The following TAFA1 variants were observed in gnomAD, a reference collection of about 807,000 sequenced individuals.
TAFA1 encodes the protein chemokine-like protein TAFA-1.
A neutral mutation model predicts 18.5 loss-of-function variants in TAFA1; 4 were observed. That is an observed-to-expected ratio of 0.22 (90% confidence interval 0.11 to 0.49). The LOEUF is 0.49. Ranked by LOEUF, TAFA1 falls within the 20% of genes least tolerant of loss-of-function variation. The pLI, the probability that TAFA1 is intolerant of heterozygous loss-of-function variation, is 0.98. For synonymous variants in TAFA1, 56 were observed against 55.2 expected, an observed-to-expected ratio of 1.01 and a Z score of -0.06; for missense variants, 147 against 169.0, an observed-to-expected ratio of 0.87 and a Z score of 0.72.
At chr3:68,432,154 T>C (rs1473624288) in intron 3 of TAFA1, among the ~76,000 whole-genome samples, 1 of 151,896 alleles carries the variant, frequency 6.6e-6, no homozygotes, top group Non-Finnish European at 1.5e-5. Flanking sequence ...CTTTCTCCCT[T>C]TTCTCCTGTC....
chr3:68,285,057 C>T (rs762095141), intron 2 of TAFA1, among the ~76,000 whole-genome samples: 1 of 152,154 alleles, frequency 6.6e-6, no homozygotes, highest in Non-Finnish European at 1.5e-5. Context: ...CGCTGCACTC[C>T]AGCCTGGGTG....
chr3:68,358,958 T>C (rs908225190), intron 2 of TAFA1, among the ~76,000 whole-genome samples: 1 of 152,004 alleles, frequency 6.6e-6, no homozygotes, highest in African/African-American at 2.4e-5. Context: ...TAATCAGGTA[T>C]CATCTTCTGT....
At chr3:68,057,076 C>A (rs1259833435) in intron 2 of TAFA1, among the ~76,000 whole-genome samples, 1 of 152,150 alleles carries the variant, frequency 6.6e-6, no homozygotes, top group Non-Finnish European at 1.5e-5. Context: ...GTTTTAGGTT[C>A]CTCTGCCCTT....
intron 2 of TAFA1, among the ~76,000 whole-genome samples, chr3:68,089,228 G>T: frequency 6.6e-6 from 1 of 152,270 alleles, no homozygotes; most frequent in East Asian, 1.9e-4. Context: ...CTAAGTGATC[G>T]TAAGGCAATT....
chr3:68,505,261 T>C (rs1390244952), intron 3 of TAFA1, among the ~76,000 whole-genome samples: 6 of 152,170 alleles, frequency 3.9e-5, no homozygotes, highest in Non-Finnish European at 8.8e-5. Flanking sequence ...AATAGTCACA[T>C]ATGATGCAAG....
chr3:68,389,165 C>T (rs1226991806), intron 2 of TAFA1, among the ~76,000 whole-genome samples: 4 of 152,190 alleles, frequency 2.6e-5, no homozygotes, highest in East Asian at 3.9e-4. Context: ...TATTCTGCCT[C>T]GGGGGACTTT....
chr3:68,447,358 A>G (rs1443077743), intron 3 of TAFA1, among the ~76,000 whole-genome samples: 5 of 152,198 alleles, frequency 3.3e-5, no homozygotes, highest in African/African-American at 9.6e-5. Context: ...CTGGCTGTCT[A>G]AAAACCAAAC....
chr3:68,512,712 G>A (rs1182770223), intron 3 of TAFA1, among the ~76,000 whole-genome samples: 3 of 137,678 alleles, frequency 2.2e-5, no homozygotes, highest in African/African-American at 7.6e-5. Context: ...TTGTTTGTTT[G>A]TTTGTTTGTT....
chr3:68,232,491 A>G (rs1245482791), intron 2 of TAFA1, among the ~76,000 whole-genome samples: 7 of 152,166 alleles, frequency 4.6e-5, no homozygotes, highest in Non-Finnish European at 1.0e-4. Context: ...TATTTTGGCT[A>G]TTGTGAATAG....
intron 2 of TAFA1, among the ~76,000 whole-genome samples, chr3:68,047,906 A>T (rs1406887955): frequency 1.3e-5 from 2 of 152,146 alleles, no homozygotes; most frequent in African/African-American, 4.8e-5. Context: ...AATCACTGCA[A>T]GGGCCTTCCA....
At chr3:68,116,602 G>A (rs182726068) in intron 2 of TAFA1, among the ~76,000 whole-genome samples, 124 of 152,232 alleles carry the variant, frequency 8.1e-4, no homozygotes, top group African/African-American at 2.9e-3. Flanking sequence ...AAAAAGTAAT[G>A]CTCCCCAAGC....
At chr3:68,039,463 T>C (rs1244654665) in intron 2 of TAFA1, among the ~76,000 whole-genome samples, 1 of 152,190 alleles carries the variant, frequency 6.6e-6, no homozygotes, top group Non-Finnish European at 1.5e-5. Context: ...TTTTATATAA[T>C]ATATATGCAC....
chr3:68,303,060 G>C (rs920169219), intron 2 of TAFA1, among the ~76,000 whole-genome samples: 1 of 152,038 alleles, frequency 6.6e-6, no homozygotes, highest in African/African-American at 2.4e-5. Flanking sequence ...ATGTCAAGGT[G>C]CCTGGTACAT....
chr3:68,514,729 A>AC (rs1553699290), intron 3 of TAFA1, among the ~76,000 whole-genome samples: 1 of 151,670 alleles, frequency 6.6e-6, no homozygotes, highest in Non-Finnish European at 1.5e-5. Context: ...GAAAAAAAAA[A>AC]ACGTTTTTTC....
chr3:68,163,121 G>A (rs1414271304), intron 2 of TAFA1, among the ~76,000 whole-genome samples: 1 of 152,142 alleles, frequency 6.6e-6, no homozygotes, highest in African/African-American at 2.4e-5. Flanking sequence ...TTTCTTTCAA[G>A]AGCATAACAA....
At chr3:68,477,093 C>G (rs1032228081) in intron 3 of TAFA1, among the ~76,000 whole-genome samples, 2 of 152,166 alleles carry the variant, frequency 1.3e-5, no homozygotes, top group East Asian at 3.9e-4. Context: ...CCAAGGGTAT[C>G]TATCCTGACT....
chr3:68,074,535 T>C (rs1238190435), intron 2 of TAFA1, among the ~76,000 whole-genome samples: 1 of 152,084 alleles, frequency 6.6e-6, no homozygotes, highest in African/African-American at 2.4e-5. Context: ...AAAACAAAAA[T>C]GCCTACAGCA....
intron 2 of TAFA1, among the ~76,000 whole-genome samples, chr3:68,385,915 A>G (rs2070093127): frequency 1.3e-5 from 2 of 152,076 alleles, no homozygotes; most frequent in Admixed American, 1.3e-4. Context: ...AACATTGATT[A>G]TTTCTTAGTG....
rs71618234 is a variant in TAFA1 at position 68,370,286 on chromosome 3, CAAA to C, written c.119-46960_119-46958del. On this transcript the variant is annotated intron_variant, in intron 2 of 4. Transcript: ENST00000478136. ...CTGGGCGACAAGGGAGACCCCATCT[CAAA>C]AAAAAAAAAAAAAAAAAAAAAAAAA... Among the ~76,000 whole-genome samples the C allele has an allele frequency of 1.8e-3, 19 of 10,848 alleles. 7 individuals are homozygous for C. The highest frequency in any genetic ancestry group is 0.01 in the East Asian group (2 of 196). The allele number at this position is 10,848 out of a possible 152,430, so 7.1% of individuals were successfully genotyped here. A position where few individuals can be genotyped will look rare whatever the true frequency, so the allele number is the denominator to read the frequency against.
Sources: gnomAD v4.1 joint callset for allele counts (sites outside exome capture counted in the v4.1 genomes callset) on GRCh38, gnomAD v4.1.1 for gene constraint, MANE v1.5 for transcripts, NCBI Gene and HGNC (gene_info 2026-07-23, HGNC 2026-07-21) for gene names.